The following CHN2 variants were observed in gnomAD, a reference collection of about 807,000 sequenced individuals.
CHN2 encodes the protein beta-chimaerin.
CHN2 carries 35 observed loss-of-function variants against 56.3 expected under a neutral mutation model. The observed-to-expected ratio is 0.62, with a 90% CI of 0.47 to 0.82. The LOEUF is 0.82. Among genes scored for constraint, CHN2 ranks in the 40% least tolerant of loss-of-function variants. CHN2 has a pLI of 0.00. For synonymous variants in CHN2, 210 were observed against 212.8 expected, an observed-to-expected ratio of 0.99 and a Z score of 0.12; for missense variants, 491 against 580.5, an observed-to-expected ratio of 0.85 and a Z score of 1.58.
intron 2 of CHN2, among the ~76,000 whole-genome samples, chr7:29,175,951 C>T (rs898482214): frequency 6.6e-6 from 1 of 152,086 alleles, no homozygotes; most frequent in Non-Finnish European, 1.5e-5. Context: ...CTTTGGGAGG[C>T]CGAGGCGGGA....
chr7:29,474,759 C>G (rs934414149), intron 6 of CHN2, among the ~76,000 whole-genome samples: 1 of 152,156 alleles, frequency 6.6e-6, no homozygotes, highest in African/African-American at 2.4e-5. Context: ...TCAAAGAGCC[C>G]TCCTTAAAAT....
intron 6 of CHN2, among the ~76,000 whole-genome samples, chr7:29,408,944 G>C (rs1249660412): frequency 1.3e-5 from 2 of 152,088 alleles, no homozygotes; most frequent in Non-Finnish European, 2.9e-5. Flanking sequence ...TATGCAAATA[G>C]TGCCATCTTG....
chr7:29,356,542 T>C, intron 2 of CHN2, among the ~76,000 whole-genome samples: 1 of 152,160 alleles, frequency 6.6e-6, no homozygotes, highest in African/African-American at 2.4e-5. Flanking sequence ...AGTGCATGCT[T>C]CATGTTAGGC....
At position 29,496,561 on chromosome 7, in the gene CHN2, C is replaced by T. The variant is rs531460141; in HGVS notation, c.739+525C>T. ...GAGGCTTGTTATTTGCCCTTGGCTA[C>T]GCAGTAAGGAATAGAATATTGATTC... On this transcript the variant is annotated intron_variant, in intron 8 of 12. Coordinates refer to ENST00000222792, the MANE Select transcript of CHN2 (RefSeq NM_004067.4). Among the ~76,000 whole-genome samples the T allele has an allele frequency of 8.6e-5, 13 of 151,622 alleles. No homozygotes were observed. The South Asian group carries it at 1.0e-3, about 12-fold the overall frequency.
Position 29,271,314 on chromosome 7 carries a change from G to T in CHN2, c.49+76324G>T, listed in dbSNP as rs3793310. Reference sequence around the variant, plus strand: ...AAAACCCTCTGGTTGTTTGCTCCTGGTTGTGTTAGATAAACAGGTAATGAT... The same window carrying T: ...AAAACCCTCTGGTTGTTTGCTCCTGTTTGTGTTAGATAAACAGGTAATGAT... On this transcript the variant is annotated intron_variant, in intron 1 of 12. Transcript: ENST00000222792. 2.9e-3 allele frequency among the ~76,000 whole-genome samples: 439 copies of T among 152,324 alleles called. 19 individuals are homozygous for T. In the East Asian group the frequency reaches 0.079, roughly 27 times the overall value.
intron 1 of CHN2, among the ~76,000 whole-genome samples, chr7:29,197,624 T>C (rs1783843109): frequency 6.6e-6 from 1 of 152,224 alleles, no homozygotes; most frequent in Admixed American, 6.5e-5. Flanking sequence ...AATCCACTTC[T>C]TTCATCACAC....
chr7:29,193,664 T>A (rs1783187657), upstream of CHN2: 1 of 152,160 alleles, frequency 6.6e-6, no homozygotes, highest in Non-Finnish European at 1.5e-5. Context: ...TAATTTAGGT[T>A]TAAATACAGG....
At chr7:29,420,543 T>G (rs2128105354) in intron 6 of CHN2, among the ~76,000 whole-genome samples, 1 of 152,334 alleles carries the variant, frequency 6.6e-6, no homozygotes, top group African/African-American at 2.4e-5. Context: ...TCTAAGAATC[T>G]TTGTTTATAC....
At chr7:29,159,336 C>T (rs772567138) in intron 2 of CHN2, among the ~76,000 whole-genome samples, 1 of 152,150 alleles carries the variant, frequency 6.6e-6, no homozygotes, top group Non-Finnish European at 1.5e-5. Flanking sequence ...AACCCAAATG[C>T]CTGCAGCATC....
chr7:29,383,484 T>A (rs1042869130), intron 3 of CHN2, among the ~76,000 whole-genome samples: 1 of 152,196 alleles, frequency 6.6e-6, no homozygotes, highest in Admixed American at 6.5e-5. Flanking sequence ...GGGAGGGCCA[T>A]CTTCTTTACT....
intron 2 of CHN2, among the ~76,000 whole-genome samples, chr7:29,183,975 T>C (rs1241519758): frequency 6.6e-6 from 1 of 152,116 alleles, no homozygotes; most frequent in Non-Finnish European, 1.5e-5. Flanking sequence ...GTATTGTAAG[T>C]AATCTAGACA....
At chr7:29,292,953 G>A (rs1345947686) in intron 1 of CHN2, 1 of 456,138 alleles carries the variant, frequency 2.2e-6, no homozygotes, top group African/African-American at 2.0e-5. Flanking sequence ...GCCCGAGAGA[G>A]CTTCCAAAAT....
chr7:29,369,282 A>G (rs1044644315), intron 3 of CHN2, among the ~76,000 whole-genome samples: 1 of 152,196 alleles, frequency 6.6e-6, no homozygotes, highest in Admixed American at 6.5e-5. Context: ...CTCAATGAAA[A>G]AAAACTTTGT....
At chr7:29,362,806 A>C (rs1798846604) in intron 2 of CHN2, among the ~76,000 whole-genome samples, 1 of 152,054 alleles carries the variant, frequency 6.6e-6, no homozygotes, top group Admixed American at 6.5e-5. Context: ...TCCCCTATTA[A>C]AGTACTTGGC....
chr7:29,188,989 C>T (rs991480098), intron 2 of CHN2, among the ~76,000 whole-genome samples: 6 of 140,110 alleles, frequency 4.3e-5, no homozygotes, highest in African/African-American at 8.1e-5. Context: ...CTTGCTCTGT[C>T]GCCCAAGCTG....
rs1259848217 is a variant in CHN2, at chr7:29,213,018, C to T, written c.49+18028C>T. 3 of 1,609,090 alleles carry T rather than the reference C, an allele frequency of 1.9e-6. No homozygotes were observed. The African/African-American group carries it at 4.0e-5, about 22-fold the overall frequency. On this transcript the variant is annotated intron_variant, in intron 1 of 12. Transcript: ENST00000222792. ...ACAATCAGGCCTGGAACAGTCCCTT[C>T]TATAACTGTGGAGAGGAATCTCTGC...
At chr7:29,222,527 C>G (rs559241106) in intron 1 of CHN2, among the ~76,000 whole-genome samples, 2 of 151,720 alleles carry the variant, frequency 1.3e-5, no homozygotes, top group Non-Finnish European at 2.9e-5. Context: ...ATAGAGAACT[C>G]AGAAATAAGA....
At chr7:29,395,453 C>G (rs1234243257) in intron 4 of CHN2, among the ~76,000 whole-genome samples, 2 of 151,972 alleles carry the variant, frequency 1.3e-5, no homozygotes, top group African/African-American at 4.8e-5. Context: ...CACTTGAGCC[C>G]AGAAGGTCAA....
chr7:29,214,005 A>G (rs779550755), intron 1 of CHN2, among the ~76,000 whole-genome samples: 1 of 152,214 alleles, frequency 6.6e-6, no homozygotes, highest in Non-Finnish European at 1.5e-5. Flanking sequence ...GGGAAACACA[A>G]GTGACCTTAA....
Sources: gnomAD v4.1 joint callset for allele counts (sites outside exome capture counted in the v4.1 genomes callset) on GRCh38, gnomAD v4.1.1 for gene constraint, MANE v1.5 for transcripts, NCBI Gene and HGNC (gene_info 2026-07-23, HGNC 2026-07-21) for gene names.